LMOD1: variants seen among roughly 807,000 people sequenced by gnomAD.
LMOD1 encodes the protein leiomodin-1.
A neutral mutation model predicts 36.5 loss-of-function variants in LMOD1; 8 were observed. That is an observed-to-expected ratio of 0.22 (90% CI 0.13 to 0.40). LMOD1 has a LOEUF of 0.40. Among genes scored for constraint, LMOD1 ranks in the 10% least tolerant of loss-of-function variants. LMOD1 has a pLI of 1.00. For synonymous variants in LMOD1, 284 were observed against 288.7 expected (o/e 0.98, Z 0.17); for missense variants, 630 against 751.1 (o/e 0.84, Z 1.88).
intron 1 of LMOD1, among the ~76,000 whole-genome samples, chr1:201,916,294 G>A (rs986389580): frequency 6.6e-6 from 1 of 152,014 alleles, no homozygotes; most frequent in African/African-American, 2.4e-5. Flanking sequence ...GTGAGGGGAA[G>A]CTGGAGCCCA....
At chr1:201,927,962 T>C (rs1681857448) in intron 1 of LMOD1, among the ~76,000 whole-genome samples, 1 of 152,090 alleles carries the variant, frequency 6.6e-6, no homozygotes, top group Admixed American at 6.6e-5. Context: ...TGGAAAGGGT[T>C]TGGGTCATGG....
intron 1 of LMOD1, among the ~76,000 whole-genome samples, chr1:201,904,133 T>G (rs1373613397): frequency 6.6e-6 from 1 of 152,194 alleles, no homozygotes; most frequent in African/African-American, 2.4e-5. Flanking sequence ...CCTTCAGAGC[T>G]AGGACTCCCA....
At chr1:201,924,242 T>A (rs1571585692) in intron 1 of LMOD1, among the ~76,000 whole-genome samples, 1 of 146,524 alleles carries the variant, frequency 6.8e-6, no homozygotes, top group African/African-American at 2.5e-5. Context: ...GAGAATGGCG[T>A]GAACCCGGGA....
chr1:201,941,447 T>C (rs2102932613), intron 1 of LMOD1, among the ~76,000 whole-genome samples: 1 of 152,300 alleles, frequency 6.6e-6, no homozygotes, highest in South Asian at 2.1e-4. Context: ...TGCTTTTGCC[T>C]CCCTGGGTCA....
At chr1:201,938,359 C>T (rs1172192750) in intron 1 of LMOD1, among the ~76,000 whole-genome samples, 2 of 152,100 alleles carry the variant, frequency 1.3e-5, no homozygotes, top group South Asian at 4.1e-4. Flanking sequence ...AAACTCCCCA[C>T]CTCAGGTGAT....
At position 201,935,317 on chromosome 1, in the gene LMOD1, TC is replaced by T. The variant is rs1441785899; in HGVS notation, c.261+10762del. On this transcript the variant is annotated intron_variant, in intron 1 of 2. Transcript: ENST00000367288. Reference sequence around the variant, plus strand: ...CCTAAGCTATTTGGTGAATTTGATGTCCTTTTTTTTTTTTTTTTGAGACAAG... The same window carrying T: ...CCTAAGCTATTTGGTGAATTTGATGTCTTTTTTTTTTTTTTTTGAGACAAG... Among the ~76,000 whole-genome samples, 4 of 142,974 alleles carry T rather than the reference TC, an allele frequency of 2.8e-5. No homozygotes were observed. The East Asian group carries it at 6.8e-4, about 24-fold the overall frequency. The allele number at this position is 142,974 out of a possible 152,430, so 93.8% of individuals were successfully genotyped here.
At chr1:201,929,663 A>G (rs1294149554) in intron 1 of LMOD1, among the ~76,000 whole-genome samples, 1 of 152,240 alleles carries the variant, frequency 6.6e-6, no homozygotes, top group Non-Finnish European at 1.5e-5. Context: ...GATGAATTAC[A>G]AATTTTGTAG....
intron 1 of LMOD1, among the ~76,000 whole-genome samples, chr1:201,939,035 A>C (rs962171354): frequency 3.9e-5 from 6 of 152,176 alleles, no homozygotes; most frequent in Non-Finnish European, 8.8e-5. Flanking sequence ...CAAAGAAATC[A>C]GGCTGCTGGG....
At position 201,946,159 on chromosome 1, in the gene LMOD1, C is replaced by T. The variant is rs1024471265; in HGVS notation, c.182G>A (p.Gly61Asp). The change falls in exon 1 of 3, where the codon GGT becomes GAT. Residue 61 changes from glycine (G) to aspartate (D), a missense_variant. Transcript: ENST00000367288. ...QRNQTEKQST[G>D]VYNREAMLNF... is the part of the protein sequence containing the mutation. ...GAGCATGGCCTCCCGGTTGTACACA[C>T]CCGTGGACTGTTTCTCCGTCTGGTT... The T allele has an allele frequency of 1.2e-6, 2 of 1,614,018 alleles. No individual in the cohort carries two copies. The highest frequency in any genetic ancestry group is 2.7e-5 in the African/African-American group (2 of 75,058).
At chr1:201,940,666 A>G (rs1209624950) in intron 1 of LMOD1, among the ~76,000 whole-genome samples, 1 of 141,346 alleles carries the variant, frequency 7.1e-6, no homozygotes, top group Admixed American at 7.1e-5. Context: ...GCTCACTGCA[A>G]CCTCCGCCTC....
chr1:201,923,148 C>T lies in LMOD1; in HGVS notation c.262-22397G>A, dbSNP rs557743763. 3.3e-5 allele frequency among the ~76,000 whole-genome samples: 5 copies of T among 152,128 alleles called. No homozygotes were observed. The South Asian group carries it at 1.0e-3, about 32-fold the overall frequency. The stretch of plus-strand genomic sequence containing the variant: ...CCAGGAGTGACTCTTGACAGCCCTT[C>T]CCCAGGGTCTCCCAGAGGGCAGCGC... On this transcript the variant is annotated intron_variant, in intron 1 of 2. Coordinates refer to ENST00000367288, the MANE Select transcript of LMOD1 (RefSeq NM_012134.3).
intron 1 of LMOD1, among the ~76,000 whole-genome samples, chr1:201,939,742 G>A (rs931466960): frequency 2.0e-5 from 3 of 149,574 alleles, no homozygotes; most frequent in Non-Finnish European, 4.4e-5. Context: ...GGCGCTGTGT[G>A]TTGTTCCTCT....
chr1:201,926,780 G>C (rs1434778681), intron 1 of LMOD1, among the ~76,000 whole-genome samples: 1 of 152,164 alleles, frequency 6.6e-6, no homozygotes, highest in South Asian at 2.1e-4. Flanking sequence ...ACTTTGGGAG[G>C]CTGAGGAGGG....
intron 1 of LMOD1, among the ~76,000 whole-genome samples, chr1:201,923,746 T>C (rs554076561): frequency 1.1e-3 from 165 of 152,082 alleles, no homozygotes; most frequent in African/African-American, 3.9e-3. Flanking sequence ...ACGCCTGTAG[T>C]CCCAGTTACT....
chr1:201,916,722 A>C (rs776758087), intron 1 of LMOD1, among the ~76,000 whole-genome samples: 10 of 152,188 alleles, frequency 6.6e-5, no homozygotes, highest in Non-Finnish European at 1.3e-4. Flanking sequence ...CTCAGTCTTC[A>C]GCCCGGCTGT....
chr1:201,937,759 C>A (rs1046225887), intron 1 of LMOD1, among the ~76,000 whole-genome samples: 2 of 152,140 alleles, frequency 1.3e-5, no homozygotes, highest in African/African-American at 4.8e-5. Flanking sequence ...GAGTGAGATC[C>A]TGTCTCAAAA....
chr1:201,917,735 G>A (rs756554229), intron 1 of LMOD1, among the ~76,000 whole-genome samples: 4 of 133,806 alleles, frequency 3.0e-5, no homozygotes, highest in Non-Finnish European at 6.6e-5. Flanking sequence ...ACCCAAGCAA[G>A]TCTGGGAAAT....
intron 1 of LMOD1, among the ~76,000 whole-genome samples, chr1:201,923,803 C>T (rs1376410419): frequency 2.6e-5 from 4 of 151,288 alleles, no homozygotes; most frequent in African/African-American, 9.7e-5. Context: ...AAGTCGAGGT[C>T]GCCTTGAGCT....
rs1245959628 is a variant in LMOD1, at chr1:201,897,628, A to G, written c.*744T>C. 6.5e-6 allele frequency: 1 copy of G among 152,752 alleles called. No homozygotes were observed. The highest frequency in any genetic ancestry group is 1.5e-5 in the Non-Finnish European group (1 of 68,102). The allele number at this position is 152,752 out of a possible 1,614,324, so 9.5% of individuals were successfully genotyped here. On this transcript the variant is annotated 3_prime_UTR_variant, in exon 3 of 3. Coordinates refer to ENST00000367288, the MANE Select transcript of LMOD1 (RefSeq NM_012134.3). The stretch of plus-strand genomic sequence containing the variant: ...CACAGTTCAGGACAACAGGTGGGGC[A>G]CAGCCATTCACAGCTAAAGGTTTGT...
Sources: allele counts gnomAD v4.1 joint callset (sites outside exome capture counted in the v4.1 genomes callset), GRCh38; gene constraint gnomAD v4.1.1; transcripts MANE v1.5; gene names NCBI Gene and HGNC (gene_info 2026-07-23, HGNC 2026-07-21).